NALCN: variants seen among roughly 807,000 people sequenced by gnomAD.
NALCN encodes sodium leak channel, non-selective.
A neutral mutation model predicts 225.3 loss-of-function variants in NALCN; 111 were observed. The ratio of observed to expected loss-of-function variants is 0.49; its 90% CI spans 0.42 to 0.58. NALCN has a LOEUF of 0.58. Ranked by LOEUF, NALCN falls within the 20% of genes least tolerant of loss-of-function variation. The pLI, the probability that NALCN is intolerant of heterozygous loss-of-function variation, is 0.00. For missense variants in NALCN, 1,378 were observed against 2,202.4 expected (o/e 0.63, Z 7.49); for synonymous variants, 764 against 769.0 (o/e 0.99, Z 0.11).
At chr13:101,190,595 T>C (rs1351164677) in intron 14 of NALCN, among the ~76,000 whole-genome samples, 1 of 152,248 alleles carries the variant, frequency 6.6e-6, no homozygotes, top group Non-Finnish European at 1.5e-5. Context: ...ACTATGTCTA[T>C]GTAGTTCTAC....
At chr13:101,155,600 T>C (rs2037864610) in intron 15 of NALCN, among the ~76,000 whole-genome samples, 2 of 152,326 alleles carry the variant, frequency 1.3e-5, no homozygotes, top group African/African-American at 4.8e-5. Flanking sequence ...TAAGGTGATG[T>C]CTGCCAGGTT....
intron 11 of NALCN, among the ~76,000 whole-genome samples, chr13:101,250,873 A>G (rs2042042168): frequency 6.6e-6 from 1 of 152,026 alleles, no homozygotes; most frequent in Admixed American, 6.6e-5. Context: ...GCAAAATTAT[A>G]GAAGAGGAAA....
At chr13:101,142,338 C>T (rs973932266) in intron 17 of NALCN, among the ~76,000 whole-genome samples, 15 of 151,852 alleles carry the variant, frequency 9.9e-5, no homozygotes, top group Non-Finnish European at 2.1e-4. Flanking sequence ...GATGGGGTTA[C>T]ACCATGTTGG....
chr13:101,180,750 G>C (rs1188210617), intron 14 of NALCN: 1 of 258,646 alleles, frequency 3.9e-6, no homozygotes, highest in African/African-American at 2.2e-5. Context: ...TTAGGGTCAA[G>C]TCTTGGATGT....
intron 40 of NALCN, among the ~76,000 whole-genome samples, chr13:101,064,530 T>C (rs1388542557): frequency 6.6e-6 from 1 of 151,258 alleles, no homozygotes; most frequent in Admixed American, 6.6e-5. Context: ...CGACAGATGT[T>C]CTTATAAAAG....
At chr13:101,244,881 T>C (rs556818852) in intron 11 of NALCN, among the ~76,000 whole-genome samples, 493 of 152,296 alleles carry the variant, frequency 3.2e-3, no homozygotes, top group Non-Finnish European at 5.6e-3. Flanking sequence ...CAGCTCCAGA[T>C]TATTGCAGTG....
chr13:101,117,703 C>T, intron 18 of NALCN, among the ~76,000 whole-genome samples: 1 of 152,130 alleles, frequency 6.6e-6, no homozygotes, highest in Non-Finnish European at 1.5e-5. Flanking sequence ...ATCTAATTTC[C>T]TTTCCATGCT....
chr13:101,142,893 C>A lies in NALCN; in HGVS notation c.2118+187G>T, dbSNP rs146138824. 11,022 of 769,516 alleles carry A rather than the reference C, an allele frequency of 0.014. 170 individuals carry two copies. The highest frequency in any genetic ancestry group is 0.051 in the South Asian group (2,866 of 56,442). The allele number at this position is 769,516 out of a possible 1,614,324, so 47.7% of individuals were successfully genotyped here. A position where few individuals can be genotyped will look rare whatever the true frequency, so the allele number is the denominator to read the frequency against. On this transcript the variant is annotated intron_variant, in intron 17 of 43. Transcript: ENST00000251127. ...GGCGCAGCTCAAAAGCTTACACGGG[C>A]AAATGCAAAATTTCAATGCATAGAG...
At chr13:101,406,361 C>G (rs2139537229) in intron 1 of NALCN, among the ~76,000 whole-genome samples, 1 of 152,112 alleles carries the variant, frequency 6.6e-6, no homozygotes, top group African/African-American at 2.4e-5. Context: ...TGCACTATGT[C>G]ATTCCATTTT....
chr13:101,291,345 A>AT (rs1329368876), intron 9 of NALCN, among the ~76,000 whole-genome samples: 2 of 152,200 alleles, frequency 1.3e-5, no homozygotes, highest in Non-Finnish European at 2.9e-5. Flanking sequence ...AAGAAATTCC[A>AT]TAGTGGTTGC....
At chr13:101,394,818 G>C (rs1780819909) in intron 3 of NALCN, among the ~76,000 whole-genome samples, 1 of 151,864 alleles carries the variant, frequency 6.6e-6, no homozygotes, top group South Asian at 2.1e-4. Flanking sequence ...CTCTGATTCT[G>C]CACTCCCTAA....
intron 10 of NALCN, 94 bp downstream of exon 10, chr13:101,283,839 A>T: frequency 9.3e-7 from 1 of 1,070,290 alleles, no homozygotes; most frequent in East Asian, 2.7e-5. Context: ...AAATTTGGAC[A>T]AATCTAGAGC....
chr13:101,177,093 T>C (rs913985562), intron 14 of NALCN, among the ~76,000 whole-genome samples: 8 of 152,130 alleles, frequency 5.3e-5, no homozygotes, highest in Non-Finnish European at 1.2e-4. Flanking sequence ...GAGAGGTCCA[T>C]GTGGTGAGGA....
chr13:101,111,752 G>A (rs2035451587), intron 18 of NALCN, among the ~76,000 whole-genome samples: 1 of 152,152 alleles, frequency 6.6e-6, no homozygotes, highest in South Asian at 2.1e-4. Context: ...TCTCTTGTCT[G>A]CTGCCATATA....
At chr13:101,383,373 T>A (rs1037318586) in intron 3 of NALCN, among the ~76,000 whole-genome samples, 6 of 151,964 alleles carry the variant, frequency 3.9e-5, no homozygotes, top group African/African-American at 1.5e-4. Context: ...CCTACTTAAA[T>A]CTTCTCTGAA....
chr13:101,333,912 G>A (rs2045273077), intron 7 of NALCN, among the ~76,000 whole-genome samples: 1 of 152,046 alleles, frequency 6.6e-6, no homozygotes, highest in African/African-American at 2.4e-5. Flanking sequence ...ACATTCAAAC[G>A]AACAGTGAAA....
At chr13:101,212,755 T>C (rs1317814660) in intron 13 of NALCN, among the ~76,000 whole-genome samples, 1 of 152,038 alleles carries the variant, frequency 6.6e-6, no homozygotes, top group Non-Finnish European at 1.5e-5. Flanking sequence ...CTGCGGACAG[T>C]AAAGGCAAAC....
At chr13:101,160,079 T>A (rs139789941) in intron 15 of NALCN, among the ~76,000 whole-genome samples, 1 of 152,106 alleles carries the variant, frequency 6.6e-6, no homozygotes, top group Non-Finnish European at 1.5e-5. Flanking sequence ...CTCAGCCTCC[T>A]GAGTAGCTGG....
rs10622707 is a variant in NALCN at position 101,259,751 on chromosome 13, T to TATATATATATATATATAC, written c.1135-1178_1135-1177insGTATATATATATATATAT. Among the ~76,000 whole-genome samples, 6 of 131,950 alleles carry TATATATATATATATATAC rather than the reference T, an allele frequency of 4.5e-5. No individual in the cohort carries two copies. In the East Asian group the frequency reaches 6.5e-4, roughly 14 times the overall value. The allele number at this position is 131,950 out of a possible 152,430, so 86.6% of individuals were successfully genotyped here. On this transcript the variant is annotated intron_variant, in intron 10 of 43. Transcript: ENST00000251127. ...GTAAGTGTATATATATATATATATATACACACACACATAAATATATATATA... is the reference window on the plus strand; with the variant it reads ...GTAAGTGTATATATATATATATATATATATATATATATATATACACACACACACATAAATATATATATA...
Sources: gnomAD v4.1 joint callset for allele counts (sites outside exome capture counted in the v4.1 genomes callset) on GRCh38, gnomAD v4.1.1 for gene constraint, MANE v1.5 for transcripts, NCBI Gene and HGNC (gene_info 2026-07-23, HGNC 2026-07-21) for gene names.